ZHX2: variants seen among roughly 807,000 people sequenced by gnomAD.
The protein encoded by ZHX2 is zinc fingers and homeoboxes protein 2.
In ZHX2, 6 loss-of-function variants were observed where a neutral mutation model predicts 21.9. That is an observed-to-expected ratio of 0.27 (90% confidence interval 0.15 to 0.54). The LOEUF (loss-of-function observed/expected upper bound fraction) is 0.54, where lower values mean the gene tolerates loss of function less well. Among genes scored for constraint, ZHX2 ranks in the 20% least tolerant of loss-of-function variants. The pLI, the probability that ZHX2 is intolerant of heterozygous loss-of-function variation, is 0.95. For synonymous variants in ZHX2, 434 were observed against 437.1 expected (o/e 0.99, Z 0.09); for missense variants, 908 against 1,090.7 (o/e 0.83, Z 2.36).
In ZHX2 at chr8:122,833,951, C is replaced by T. The variant is rs191286932; in HGVS notation, c.-282-29526C>T. Among the ~76,000 whole-genome samples the T allele has an allele frequency of 2.7e-3, 411 of 151,158 alleles. 1 individual carries two copies. The highest frequency in any genetic ancestry group is 9.6e-3 in the African/African-American group (395 of 41,188). On this transcript the variant is annotated intron_variant, in intron 1 of 3. Transcript: ENST00000314393. The stretch of plus-strand genomic sequence containing the variant: ...GGCGGAGCTTGCAGTGAGCTGAGAT[C>T]GCGCCACTGCACTCCAGCCTGGGCG...
At chr8:122,840,361 G>T (rs1024024665) in intron 1 of ZHX2, among the ~76,000 whole-genome samples, 11 of 152,092 alleles carry the variant, frequency 7.2e-5, no homozygotes, top group African/African-American at 2.4e-4. Context: ...GACACCCTAG[G>T]TTCAAATCCT....
chr8:122,798,680 G>A (rs573852659), intron 1 of ZHX2, among the ~76,000 whole-genome samples: 1 of 152,174 alleles, frequency 6.6e-6, no homozygotes, highest in East Asian at 1.9e-4. Context: ...CTACTCGGGA[G>A]GCTGTGGCAG....
chr8:122,941,547 C>A (rs940786657), intron 2 of ZHX2, among the ~76,000 whole-genome samples: 1 of 152,212 alleles, frequency 6.6e-6, no homozygotes, highest in African/African-American at 2.4e-5. Flanking sequence ...TACAGTTCTT[C>A]CCCCGTTTCT....
chr8:122,877,467 A>G (rs2129751445), intron 2 of ZHX2, among the ~76,000 whole-genome samples: 1 of 152,312 alleles, frequency 6.6e-6, no homozygotes, highest in East Asian at 1.9e-4. Flanking sequence ...CCTGTGAGAT[A>G]GGTACTATGT....
intron 2 of ZHX2, among the ~76,000 whole-genome samples, chr8:122,890,121 A>C (rs1315897510): frequency 6.6e-6 from 1 of 151,892 alleles, no homozygotes; most frequent in Non-Finnish European, 1.5e-5. Flanking sequence ...ATCCACTTTG[A>C]GTTGATTTTT....
chr8:122,784,076 G>A (rs1015292166), intron 1 of ZHX2, among the ~76,000 whole-genome samples: 2 of 152,162 alleles, frequency 1.3e-5, no homozygotes, highest in South Asian at 4.1e-4. Context: ...CATTTGAAGG[G>A]GGAAAACACC....
At chr8:122,821,227 C>T (rs1303600102) in intron 1 of ZHX2, among the ~76,000 whole-genome samples, 3 of 152,158 alleles carry the variant, frequency 2.0e-5, no homozygotes, top group African/African-American at 7.2e-5. Context: ...GAACCAGCTG[C>T]CAGGCTTCCT....
At chr8:122,815,816 G>A (rs1818019778) in intron 1 of ZHX2, 1 of 152,248 alleles carries the variant, frequency 6.6e-6, no homozygotes, top group Non-Finnish European at 1.5e-5. Flanking sequence ...GGCCGGGCGT[G>A]GTGGCTCATG....
chr8:122,800,758 CAG>C (rs112122226), intron 1 of ZHX2, among the ~76,000 whole-genome samples: 1,485 of 148,142 alleles, frequency 0.01, no homozygotes, highest in Middle Eastern at 0.011. Context: ...AGGCGGGGGG[CAG>C]AGAGAGAGAG....
At chr8:122,937,672 C>T (rs557307496) in intron 2 of ZHX2, among the ~76,000 whole-genome samples, 4 of 151,806 alleles carry the variant, frequency 2.6e-5, no homozygotes, top group East Asian at 3.9e-4. Flanking sequence ...CTCTGCCTCC[C>T]GGGCTCAAGC....
intron 1 of ZHX2, among the ~76,000 whole-genome samples, chr8:122,851,758 G>T (rs372348635): frequency 6.6e-6 from 1 of 152,170 alleles, no homozygotes; most frequent in Non-Finnish European, 1.5e-5. Flanking sequence ...GGGGCTTGGG[G>T]GCTCAGAAAG....
At chr8:122,968,116 A>T (rs1265289479) in intron 3 of ZHX2, among the ~76,000 whole-genome samples, 2 of 152,180 alleles carry the variant, frequency 1.3e-5, no homozygotes, top group African/African-American at 4.8e-5. Flanking sequence ...CCACCCCTAC[A>T]CCCACACATG....
chr8:122,803,164 C>A (rs1018763895), intron 1 of ZHX2, among the ~76,000 whole-genome samples: 1 of 152,138 alleles, frequency 6.6e-6, no homozygotes, highest in Non-Finnish European at 1.5e-5. Flanking sequence ...GCAAAGCAAA[C>A]GCAGCCAGAT....
At chr8:122,890,152 A>G (rs1819943452) in intron 2 of ZHX2, among the ~76,000 whole-genome samples, 1 of 152,046 alleles carries the variant, frequency 6.6e-6, no homozygotes, top group Admixed American at 6.6e-5. Flanking sequence ...AGAGATAGGG[A>G]TCTAGTTTCA....
At chr8:122,799,325 A>G (rs1183625290) in intron 1 of ZHX2, among the ~76,000 whole-genome samples, 1 of 152,212 alleles carries the variant, frequency 6.6e-6, no homozygotes, top group Admixed American at 6.5e-5. Flanking sequence ...AGAAAATGAC[A>G]CATACAAGAT....
chr8:122,850,852 C>T (rs976516926), intron 1 of ZHX2, among the ~76,000 whole-genome samples: 2 of 152,040 alleles, frequency 1.3e-5, no homozygotes, highest in Admixed American at 6.6e-5. Context: ...TCCCCTATCT[C>T]ACTCAGAGCA....
At chr8:122,914,974 C>T (rs1820562913) in intron 2 of ZHX2, among the ~76,000 whole-genome samples, 2 of 152,230 alleles carry the variant, frequency 1.3e-5, no homozygotes, top group South Asian at 2.1e-4. Flanking sequence ...TCTGTTACGT[C>T]TAGTTCCTAC....
At chr8:122,841,622 A>G (rs908854082) in intron 1 of ZHX2, among the ~76,000 whole-genome samples, 2 of 152,116 alleles carry the variant, frequency 1.3e-5, no homozygotes, top group African/African-American at 4.8e-5. Flanking sequence ...AGGCAGCTGA[A>G]TGCTTAATTG....
At chr8:122,898,923 C>A (rs1207323231) in intron 2 of ZHX2, among the ~76,000 whole-genome samples, 2 of 152,206 alleles carry the variant, frequency 1.3e-5, no homozygotes, top group Non-Finnish European at 2.9e-5. Context: ...TGCTGTTATT[C>A]AGCAGAACCC....
Sources: gnomAD v4.1 joint callset for allele counts (sites outside exome capture counted in the v4.1 genomes callset) on GRCh38, gnomAD v4.1.1 for gene constraint, MANE v1.5 for transcripts, NCBI Gene and HGNC (gene_info 2026-07-23, HGNC 2026-07-21) for gene names.